SLIT3: variants seen among roughly 807,000 people sequenced by gnomAD.
SLIT3 encodes the protein slit homolog 3 protein.
Under a neutral mutation model 184.0 loss-of-function variants are expected in SLIT3, and 68 were observed. That is an observed-to-expected ratio of 0.37 (90% confidence interval 0.30 to 0.45). SLIT3 has a LOEUF of 0.45. SLIT3 is among the 20% of genes least tolerant of loss of function. The pLI, the probability that SLIT3 is intolerant of heterozygous loss-of-function variation, is 1.00. For synonymous variants in SLIT3, 831 were observed against 828.6 expected (o/e 1.00, Z -0.05); for missense variants, 1,707 against 2,026.0 (o/e 0.84, Z 3.02).
chr5:168,824,079 G>C (rs1187806030), intron 6 of SLIT3, among the ~76,000 whole-genome samples: 1 of 152,188 alleles, frequency 6.6e-6, no homozygotes, highest in Non-Finnish European at 1.5e-5. Context: ...CTCTCAAGTA[G>C]CTGGAATTAC....
chr5:168,669,744 A>ACTT, intron 35 of SLIT3, 39 bp downstream of exon 35: 3 of 1,545,298 alleles, frequency 1.9e-6, no homozygotes, highest in Non-Finnish European at 2.7e-6. Context: ...TCCAACTCTG[A>ACTT]CCCCCACTTC....
At chr5:169,263,193 C>A (rs192143032) in intron 1 of SLIT3, among the ~76,000 whole-genome samples, 3 of 152,130 alleles carry the variant, frequency 2.0e-5, no homozygotes, top group Admixed American at 1.3e-4. Context: ...AAAGAGAAAA[C>A]CAGCCAGGCA....
chr5:168,834,344 A>G (rs7711067), intron 6 of SLIT3, among the ~76,000 whole-genome samples: 79,556 of 151,884 alleles, frequency 0.52, 22,254 homozygotes, highest in African/African-American at 0.72. Context: ...TCACACTCCC[A>G]GGTTTGGATA....
rs1184954805 is a variant in SLIT3, at chr5:168,917,255, A to C, written c.414-33919T>G. On this transcript the variant is annotated intron_variant, in intron 4 of 35. Coordinates refer to ENST00000519560, the MANE Select transcript of SLIT3 (RefSeq NM_003062.4). ...GAGCTTTGGTTCCCAGACCAGAATC[A>C]ACAGCAATTCCTAGCCAAGTCCTAG... Among the ~76,000 whole-genome samples the C allele has an allele frequency of 2.6e-5, 4 of 152,216 alleles. No individual in the cohort carries two copies. The East Asian group carries it at 7.7e-4, about 29-fold the overall frequency.
intron 4 of SLIT3, among the ~76,000 whole-genome samples, chr5:169,127,862 C>T (rs1448907171): frequency 2.0e-5 from 3 of 152,150 alleles, no homozygotes; most frequent in Admixed American, 2.0e-4. Context: ...AGGGTTTTTC[C>T]TCAACCCCAA....
At chr5:168,861,140 G>C (rs1759086207) in intron 5 of SLIT3, among the ~76,000 whole-genome samples, 1 of 152,116 alleles carries the variant, frequency 6.6e-6, no homozygotes, top group African/African-American at 2.4e-5. Flanking sequence ...AAGTTCTAGG[G>C]TACATGTGCA....
intron 20 of SLIT3, among the ~76,000 whole-genome samples, chr5:168,745,911 A>AC (rs1427133841): frequency 1.3e-5 from 2 of 151,964 alleles, no homozygotes; most frequent in South Asian, 2.1e-4. Context: ...TCAAGACAAG[A>AC]CCCCCGACTA....
intron 4 of SLIT3, among the ~76,000 whole-genome samples, chr5:169,115,858 G>C (rs962481768): frequency 2.0e-5 from 3 of 152,188 alleles, no homozygotes; most frequent in African/African-American, 7.2e-5. Flanking sequence ...CGGTGCTCCT[G>C]ACAGCCATGG....
intron 4 of SLIT3, among the ~76,000 whole-genome samples, chr5:168,973,565 C>G (rs1255900503): frequency 1.3e-5 from 2 of 152,202 alleles, no homozygotes; most frequent in Non-Finnish European, 2.9e-5. Context: ...AAATTTTAAA[C>G]TGCCTTATTG....
At chr5:168,821,691 T>G (rs1265153123) in intron 7 of SLIT3, among the ~76,000 whole-genome samples, 4 of 152,114 alleles carry the variant, frequency 2.6e-5, no homozygotes, top group African/African-American at 9.7e-5. Flanking sequence ...TAATAACGAG[T>G]ATTTGTTGTG....
chr5:168,752,902 C>T (rs567319648), intron 18 of SLIT3, 53 bp downstream of exon 18: 26 of 1,559,288 alleles, frequency 1.7e-5, no homozygotes, highest in Middle Eastern at 1.8e-4. Flanking sequence ...GAGGAGAGAG[C>T]GCTGCAGAGT....
intron 5 of SLIT3, among the ~76,000 whole-genome samples, chr5:168,879,920 A>G (rs1466155947): frequency 1.3e-5 from 2 of 152,230 alleles, no homozygotes; most frequent in African/African-American, 4.8e-5. Flanking sequence ...TTCCCCCAGA[A>G]CTAGCACTTA....
chr5:168,672,509 T>C (rs1015993770), intron 33 of SLIT3, among the ~76,000 whole-genome samples: 3 of 152,200 alleles, frequency 2.0e-5, no homozygotes, highest in African/African-American at 7.2e-5. Context: ...AAGGTCTCAC[T>C]CTGTCACCCA....
intron 4 of SLIT3, among the ~76,000 whole-genome samples, chr5:168,892,426 T>C (rs1760502716): frequency 6.6e-6 from 1 of 152,164 alleles, no homozygotes; most frequent in Non-Finnish European, 1.5e-5. Context: ...CTACGCAGCA[T>C]CTCATTGCCA....
Position 168,977,190 on chromosome 5 carries a change from G to T in SLIT3, c.414-93854C>A, listed in dbSNP as rs188753371. On this transcript the variant is annotated intron_variant, in intron 4 of 35. Transcript: ENST00000519560. ...TCTGCCCATTCTGATAATGATGGGG[G>T]GATGGGTGTAGGAGTGGTAACGACA... 1.4e-3 allele frequency among the ~76,000 whole-genome samples: 215 copies of T among 152,274 alleles called. 3 individuals carry two copies. Among genetic ancestry groups the T allele is most frequent in the African/African-American group, 4.8e-3 (198 of 41,560 alleles).
At chr5:169,232,919 C>T (rs1307427606) in intron 3 of SLIT3, among the ~76,000 whole-genome samples, 1 of 152,202 alleles carries the variant, frequency 6.6e-6, no homozygotes, top group African/African-American at 2.4e-5. Flanking sequence ...CCATGCAGCA[C>T]TCCATATATT....
intron 27 of SLIT3, among the ~76,000 whole-genome samples, chr5:168,699,764 G>A (rs1303566202): frequency 1.3e-5 from 2 of 152,166 alleles, no homozygotes. Context: ...CCTACCTACT[G>A]GATAGGGTCT....
intron 9 of SLIT3, among the ~76,000 whole-genome samples, chr5:168,798,485 T>A (rs1300176535): frequency 6.6e-6 from 1 of 152,112 alleles, no homozygotes; most frequent in Non-Finnish European, 1.5e-5. Context: ...TGCCTCAGCA[T>A]CCCAAAGTGC....
chr5:169,286,636 C>G (rs970877861), intron 1 of SLIT3, among the ~76,000 whole-genome samples: 1 of 152,162 alleles, frequency 6.6e-6, no homozygotes, highest in African/African-American at 2.4e-5. Context: ...ACGGCCAGGT[C>G]GCCAAATTCC....
Sources: allele counts gnomAD v4.1 joint callset (sites outside exome capture counted in the v4.1 genomes callset), GRCh38; gene constraint gnomAD v4.1.1; transcripts MANE v1.5; gene names NCBI Gene and HGNC (gene_info 2026-07-23, HGNC 2026-07-21).